Variants in IP6K3 observed in about 807,000 individuals in gnomAD.
IP6K3 encodes the protein inositol hexakisphosphate kinase 3.
IP6K3 carries 20 observed loss-of-function variants against 28.8 expected under a neutral mutation model. That is an observed-to-expected ratio of 0.70 (90% CI 0.49 to 1.01). The LOEUF (loss-of-function observed/expected upper bound fraction) is 1.01. Ranked by LOEUF, IP6K3 falls within the 50% of genes least tolerant of loss-of-function variation. IP6K3 has a pLI of 0.00. For missense variants in IP6K3, 480 were observed against 537.1 expected (o/e 0.89, Z 1.05); for synonymous variants, 213 against 221.3 (o/e 0.96, Z 0.33).
intron 1 of IP6K3, among the ~76,000 whole-genome samples, chr6:33,745,782 T>C (rs1483731837): frequency 1.3e-5 from 2 of 152,132 alleles, no homozygotes; most frequent in Non-Finnish European, 2.9e-5. Flanking sequence ...TGCTGAGGAC[T>C]TTGTGCAGGG....
At chr6:33,752,224 G>T in the IP6K3 span, among the ~76,000 whole-genome samples, 14 of 152,228 alleles carry the variant, frequency 9.2e-5, no homozygotes, top group Non-Finnish European at 1.9e-4. Flanking sequence ...AACAATCTGT[G>T]TGTAACATTT....
At chr6:33,745,077 C>G (rs1440437821) in intron 1 of IP6K3, among the ~76,000 whole-genome samples, 2 of 152,248 alleles carry the variant, frequency 1.3e-5, no homozygotes, top group South Asian at 4.1e-4. Flanking sequence ...TAACACACTG[C>G]AACTGCAGCC....
intron 5 of IP6K3, among the ~76,000 whole-genome samples, chr6:33,724,312 T>C (rs1408663070): frequency 6.6e-6 from 1 of 152,236 alleles, no homozygotes; most frequent in Non-Finnish European, 1.5e-5. Context: ...GAGGACTACA[T>C]TCCCGGCTTT....
chr6:33,724,204 C>T (rs973131356), intron 5 of IP6K3, among the ~76,000 whole-genome samples: 1 of 152,210 alleles, frequency 6.6e-6, no homozygotes, highest in Non-Finnish European at 1.5e-5. Context: ...AAATACCTGA[C>T]AGGCATCACT....
chr6:33,756,850 G>A, the IP6K3 span, among the ~76,000 whole-genome samples: 48 of 152,328 alleles, frequency 3.2e-4, no homozygotes, highest in African/African-American at 8.4e-4. Context: ...AGTTCAAGGC[G>A]TGTCCCCTGC....
chr6:33,722,640 G>A lies in IP6K3; in HGVS notation c.*80C>T. 1.1e-6 allele frequency: 1 copy of A among 890,410 alleles called. No individual in the cohort carries two copies. The highest frequency in any genetic ancestry group is 1.8e-6 in the Non-Finnish European group (1 of 558,672). The allele number at this position is 890,410 out of a possible 1,614,324, so 55.2% of individuals were successfully genotyped here. A position where few individuals can be genotyped will look rare whatever the true frequency, so the allele number is the denominator to read the frequency against. ...GGACTATTATGAAGACATCTAAGGG[G>A]TGTCTGGACTACCCTAGCAACCAAC... On this transcript the variant is annotated 3_prime_UTR_variant, in exon 6 of 6. Transcript: ENST00000293756.
intron 1 of IP6K3, among the ~76,000 whole-genome samples, chr6:33,741,645 C>CA (rs11403411): frequency 0.73 from 21,345 of 29,388 alleles, 9,382 homozygotes; most frequent in East Asian, 0.92. Flanking sequence ...GACTCCATCT[C>CA]AAAAAAAAAA....
the IP6K3 span, among the ~76,000 whole-genome samples, chr6:33,759,388 C>T: frequency 7.2e-4 from 109 of 152,146 alleles, no homozygotes; most frequent in Non-Finnish European, 1.4e-3. Flanking sequence ...ACTACAGGCA[C>T]GCACCACTAC....
chr6:33,731,138 G>A (rs1197460704), intron 2 of IP6K3, among the ~76,000 whole-genome samples: 2 of 152,220 alleles, frequency 1.3e-5, no homozygotes, highest in Non-Finnish European at 2.9e-5. Context: ...GAGAGAGCCA[G>A]CAGCCTCGTG....
chr6:33,759,871 TA>T, the IP6K3 span, among the ~76,000 whole-genome samples: 534 of 136,948 alleles, frequency 3.9e-3, no homozygotes, highest in East Asian at 4.0e-3. Flanking sequence ...AGACTCCGTC[TA>T]AAAAAAAAAA....
the IP6K3 span, among the ~76,000 whole-genome samples, chr6:33,753,179 A>G: frequency 1.3e-5 from 2 of 152,158 alleles, no homozygotes; most frequent in Non-Finnish European, 2.9e-5. Context: ...TGGCCTCCCA[A>G]AGTGCTAGAA....
At chr6:33,745,577 G>A (rs1000159912) in intron 1 of IP6K3, among the ~76,000 whole-genome samples, 4 of 152,154 alleles carry the variant, frequency 2.6e-5, no homozygotes, top group Non-Finnish European at 5.9e-5. Context: ...TGGGGGGTCG[G>A]GGGGCTGGCA....
Position 33,722,784 on chromosome 6 carries a change from G to T in IP6K3, c.1169C>A (p.Pro390His). The T allele has an allele frequency of 1.2e-6, 2 of 1,614,072 alleles. No homozygotes were observed. Among genetic ancestry groups the T allele is most frequent in the Non-Finnish European group, 1.7e-6 (2 of 1,179,998 alleles). Residue 390 changes from proline to histidine, a missense_variant, in exon 6 of 6, where the codon CCT (proline) becomes CAT (histidine). Physicochemically the swap from Pro to His is moderately conservative, Grantham distance 77. Transcript: ENST00000293756. ...NEHTTYDGPD[P>H]GYIFGLENLI... Reference sequence around the variant, plus strand: ...GTTTTCCAGGCCAAAAATATAGCCAGGGTCTGGTCCATCGTAGGTGGTGTG... The same window carrying T: ...GTTTTCCAGGCCAAAAATATAGCCATGGTCTGGTCCATCGTAGGTGGTGTG...
At chr6:33,735,095 A>G (rs1766466856) in intron 2 of IP6K3, among the ~76,000 whole-genome samples, 183 bp downstream of exon 2, 1 of 152,110 alleles carries the variant, frequency 6.6e-6, no homozygotes, top group Non-Finnish European at 1.5e-5. Context: ...TACACTCCAG[A>G]CCTGGAGGCT....
the IP6K3 span, among the ~76,000 whole-genome samples, chr6:33,759,556 C>A: frequency 1.3e-5 from 2 of 152,068 alleles, no homozygotes; most frequent in African/African-American, 2.4e-5. Context: ...ACAAACTTAT[C>A]TTTTTAAAAA....
chr6:33,733,644 A>C (rs1766399913), intron 2 of IP6K3, among the ~76,000 whole-genome samples: 1 of 152,234 alleles, frequency 6.6e-6, no homozygotes, highest in African/African-American at 2.4e-5. Flanking sequence ...TGCTCTGACA[A>C]GATGGGAAGT....
Position 33,722,442 on chromosome 6 carries a change from G to A in IP6K3, c.*278C>T. 2 of 278,220 alleles carry A rather than the reference G, an allele frequency of 7.2e-6. No individual in the cohort carries two copies. The highest frequency in any genetic ancestry group is 1.4e-5 in the Non-Finnish European group (2 of 148,068). 17.2% of individuals were successfully genotyped at this position (278,220 alleles called of 1,614,324 possible). A position where few individuals can be genotyped will look rare whatever the true frequency, so the allele number is the denominator to read the frequency against. On this transcript the variant is annotated 3_prime_UTR_variant, in exon 6 of 6. Transcript: ENST00000293756. ...GTCAGCAATGCTGGCCTCTAACTTG[G>A]GCTGCCCCCTCCAGTGTACTCCAGA...
chr6:33,749,633 C>T (rs1766993670), upstream of IP6K3, among the ~76,000 whole-genome samples: 2 of 149,970 alleles, frequency 1.3e-5, no homozygotes, highest in Admixed American at 1.3e-4. Context: ...CTCTGCAGGC[C>T]GTGTGTGTGT....
chr6:33,722,503 G>C lies in IP6K3; in HGVS notation c.*217C>G. On this transcript the variant is annotated 3_prime_UTR_variant, in exon 6 of 6. Coordinates refer to ENST00000293756, the MANE Select transcript of IP6K3 (RefSeq NM_054111.5). ...TTATCCTGGCTGTCTGTTCTCCGAT[G>C]AGCAGCATTAGAGCATAATGCCAGG... 1 of 427,116 alleles carries C rather than the reference G, an allele frequency of 2.3e-6. No individual in the cohort carries two copies. Among genetic ancestry groups the C allele is most frequent in the Non-Finnish European group, 4.1e-6 (1 of 241,088 alleles). 26.5% of individuals were successfully genotyped at this position (427,116 alleles called of 1,614,324 possible). A position where few individuals can be genotyped will look rare whatever the true frequency, so the allele number is the denominator to read the frequency against.
Sources: gnomAD v4.1 joint callset for allele counts (sites outside exome capture counted in the v4.1 genomes callset) on GRCh38, gnomAD v4.1.1 for gene constraint, MANE v1.5 for transcripts, NCBI Gene and HGNC (gene_info 2026-07-23, HGNC 2026-07-21) for gene names.